The following CRHBP variants were observed in gnomAD, a reference collection of about 807,000 sequenced individuals.
CRHBP encodes corticotropin-releasing hormone-binding protein.
CRHBP carries 19 observed loss-of-function variants against 34.9 expected under a neutral mutation model. The ratio of observed to expected loss-of-function variants is 0.55; its 90% CI spans 0.38 to 0.80. The LOEUF (loss-of-function observed/expected upper bound fraction) is 0.80. Among genes scored for constraint, CRHBP ranks in the 30% least tolerant of loss-of-function variants. The probability of loss-of-function intolerance (pLI) is 0.00; values close to 1 mark genes in which losing one functional copy is unlikely to be tolerated. For missense variants in CRHBP, 328 were observed against 409.2 expected, an observed-to-expected ratio of 0.80 and a Z score of 1.71; for synonymous variants, 154 against 153.4, an observed-to-expected ratio of 1.00 and a Z score of -0.03.
chr5:76,962,478 A>G (rs1034580115), intron 5 of CRHBP, among the ~76,000 whole-genome samples: 1 of 151,766 alleles, frequency 6.6e-6, no homozygotes. Flanking sequence ...TGGACAAGAC[A>G]GTGTGGAAAA....
At chr5:76,975,809 A>AG (rs1377819308) in intron 2 of CRHBP, among the ~76,000 whole-genome samples, 3 of 91,874 alleles carry the variant, frequency 3.3e-5, no homozygotes, top group African/African-American at 1.7e-4. Flanking sequence ...GTCTCAAAAA[A>AG]AAAAAAAAAA....
At chr5:76,973,982 GTTATTATTA>G (rs112354774), downstream of CRHBP, among the ~76,000 whole-genome samples, 5 of 147,190 alleles carry the variant, frequency 3.4e-5, no homozygotes, top group South Asian at 2.2e-4. Context: ...TTTCTAAATC[GTTATTATTA>G]TTATTATTAT....
intron 6 of CRHBP, 69 bp from the exon 7 acceptor site, chr5:76,968,659 C>T (rs537882816): frequency 1.3e-4 from 192 of 1,477,354 alleles, no homozygotes; most frequent in African/African-American, 6.3e-4. Flanking sequence ...TAAGTGATCC[C>T]GTCATTTAAA....
chr5:76,979,067 A>C (rs2150712630), intron 3 of CRHBP, among the ~76,000 whole-genome samples: 1 of 152,278 alleles, frequency 6.6e-6, no homozygotes, highest in South Asian at 2.1e-4. Flanking sequence ...AACATCAAAC[A>C]CTCACCACCA....
chr5:76,963,230 T>C lies in CRHBP; in HGVS notation c.694-113T>C, dbSNP rs1000158126. The C allele has an allele frequency of 5.5e-5, 41 of 743,702 alleles. No individual in the cohort carries two copies. The South Asian group carries it at 6.3e-4, about 11-fold the overall frequency. 46.1% of individuals were successfully genotyped at this position (743,702 alleles called of 1,614,324 possible). A position where few individuals can be genotyped will look rare whatever the true frequency, so the allele number is the denominator to read the frequency against. On this transcript the variant is annotated intron_variant, in intron 5 of 6. Transcript: ENST00000274368. ...GTCCCAGATGTTAAATTAAATGGTATTGCCAGGATGTTGAGGGCTGATTGA... is the reference window on the plus strand; with the variant it reads ...GTCCCAGATGTTAAATTAAATGGTACTGCCAGGATGTTGAGGGCTGATTGA...
chr5:76,953,449 C>CT (rs1262162383), intron 1 of CRHBP, 152 bp from the exon 2 acceptor site: 1 of 954,402 alleles, frequency 1.0e-6, no homozygotes, highest in African/African-American at 1.6e-5. Context: ...TGGAGAGGGT[C>CT]TAAGACCTTC....
chr5:76,955,987 T>A, intron 4 of CRHBP, 124 bp downstream of exon 4: 1 of 764,658 alleles, frequency 1.3e-6, no homozygotes, highest in Non-Finnish European at 2.1e-6. Flanking sequence ...TTTTTGTAAT[T>A]AGAAATGACC....
rs80156591 is a variant in CRHBP at position 76,969,420 on chromosome 5, T to C, written c.*535T>C. 8.3e-3 allele frequency: 1,261 copies of C among 152,746 alleles called. 43 individuals are homozygous for C. In the East Asian group the frequency reaches 0.12, roughly 15 times the overall value. The allele number at this position is 152,746 out of a possible 1,614,324, so 9.5% of individuals were successfully genotyped here. A position where few individuals can be genotyped will look rare whatever the true frequency, so the allele number is the denominator to read the frequency against. ...CCAAACTTTGTAGCATGGAAAAAAT[T>C]TTCCATCCACAAATACAAACATGAA... On this transcript the variant is annotated 3_prime_UTR_variant, in exon 7 of 7. Coordinates refer to ENST00000274368, the MANE Select transcript of CRHBP (RefSeq NM_001882.4).
At chr5:76,963,156 A>G in intron 5 of CRHBP, 187 bp from the exon 6 acceptor site, 1 of 569,566 alleles carries the variant, frequency 1.8e-6, no homozygotes, top group Non-Finnish European at 3.1e-6. Flanking sequence ...TGATTTAGAA[A>G]AGCAATTTTT....
chr5:76,953,951 C>T (rs1745621112), intron 2 of CRHBP, 78 bp from the exon 3 acceptor site: 3 of 1,504,008 alleles, frequency 2.0e-6, no homozygotes, highest in Admixed American at 4.0e-5. Context: ...GAATGGGGCG[C>T]GCGGAGAGCG....
chr5:76,956,785 A>G (rs1372700189), intron 4 of CRHBP, among the ~76,000 whole-genome samples: 1 of 152,164 alleles, frequency 6.6e-6, no homozygotes, highest in African/African-American at 2.4e-5. Context: ...TAAGAGAAAA[A>G]TCTGTTTAAA....
Position 76,957,199 on chromosome 5 carries a change from T to TA in CRHBP, c.544+1343dup, listed in dbSNP as rs533074745. 3.5e-3 allele frequency among the ~76,000 whole-genome samples: 527 copies of TA among 152,140 alleles called. 8 individuals are homozygous for TA. The highest frequency in any genetic ancestry group is 0.012 in the African/African-American group (490 of 41,514). On this transcript the variant is annotated intron_variant, in intron 4 of 6. Coordinates refer to ENST00000274368, the MANE Select transcript of CRHBP (RefSeq NM_001882.4). The stretch of plus-strand genomic sequence containing the variant: ...TATTAAAACTTTTAAAAAAGTTTAT[T>TA]AAAAAAAGAAACTTCCTAGAACCAT...
intron 3 of CRHBP, among the ~76,000 whole-genome samples, chr5:76,977,370 G>A (rs1342140464): frequency 6.6e-6 from 1 of 152,160 alleles, no homozygotes; most frequent in African/African-American, 2.4e-5. Context: ...TTTGGGTCGA[G>A]CAAGTCTATT....
At chr5:76,963,852 TTTTATGTATG>T (rs1745820295) in intron 6 of CRHBP, among the ~76,000 whole-genome samples, 1 of 152,164 alleles carries the variant, frequency 6.6e-6, no homozygotes, top group Admixed American at 6.5e-5. Context: ...AATAACTGTT[TTTTATGTATG>T]TGTATGTATG....
intron 3 of CRHBP, among the ~76,000 whole-genome samples, chr5:76,980,004 C>T (rs929089338): frequency 1.3e-5 from 2 of 149,354 alleles, no homozygotes; most frequent in Admixed American, 6.7e-5. Flanking sequence ...GTAATGCCAG[C>T]ACTTTGGGAG....
downstream of CRHBP, among the ~76,000 whole-genome samples, chr5:76,971,183 A>G: frequency 6.6e-6 from 1 of 152,220 alleles, no homozygotes; most frequent in East Asian, 1.9e-4. Flanking sequence ...TTGACTCTGC[A>G]GCCAACCCTC....
intron 2 of CRHBP, among the ~76,000 whole-genome samples, chr5:76,974,513 A>C (rs1436641880): frequency 7.2e-6 from 1 of 138,618 alleles, no homozygotes; most frequent in African/African-American, 2.6e-5. Flanking sequence ...ATCTTCATGA[A>C]AGGAAAACAA....
chr5:76,970,669 G>T (rs889356081), downstream of CRHBP, among the ~76,000 whole-genome samples: 1 of 152,170 alleles, frequency 6.6e-6, no homozygotes, highest in South Asian at 2.1e-4. Flanking sequence ...AGTCACTCTA[G>T]CAACCCAAGA....
At chr5:76,956,309 A>G (rs1452024402) in intron 4 of CRHBP, among the ~76,000 whole-genome samples, 1 of 152,194 alleles carries the variant, frequency 6.6e-6, no homozygotes, top group Non-Finnish European at 1.5e-5. Flanking sequence ...TGCCCTGACC[A>G]GAGGGTTGGA....
Sources: allele counts gnomAD v4.1 joint callset (sites outside exome capture counted in the v4.1 genomes callset), GRCh38; gene constraint gnomAD v4.1.1; transcripts MANE v1.5; gene names NCBI Gene and HGNC (gene_info 2026-07-23, HGNC 2026-07-21).